CC2D1A: variants seen among roughly 807,000 people sequenced by gnomAD.
CC2D1A encodes the protein coiled-coil and C2 domain containing 1A, also known as coiled-coil and C2 domain-containing protein 1A.
In CC2D1A, 68 loss-of-function variants were observed where a neutral mutation model predicts 123.8. The ratio of observed to expected loss-of-function variants is 0.55; its 90% CI spans 0.45 to 0.67. CC2D1A has a LOEUF of 0.67. Among genes scored for constraint, CC2D1A ranks in the 30% least tolerant of loss-of-function variants. The pLI is 0.00. For missense variants in CC2D1A, 1,185 were observed against 1,290.3 expected (o/e 0.92, Z 1.25); for synonymous variants, 477 against 528.0 (o/e 0.90, Z 1.32).
chr19:13,918,022 A>T, intron 6 of CC2D1A, 48 bp from the exon 7 acceptor site: 1 of 1,598,166 alleles, frequency 6.3e-7, no homozygotes. Flanking sequence ...TACACGGTGA[A>T]CTTGGCCCAG....
At position 13,927,286 on chromosome 19, in the gene CC2D1A, C is replaced by T. The variant is rs201224050; in HGVS notation, c.2316+21C>T. 1.1e-3 allele frequency: 1,742 copies of T among 1,585,062 alleles called. 1 individual carries two copies. The highest frequency in any genetic ancestry group is 1.4e-3 in the Non-Finnish European group (1,579 of 1,153,562). On this transcript the variant is annotated intron_variant, in intron 22 of 28. Transcript: ENST00000318003. ...TTGAGGTGAGAGGTGGACATTCATC[C>T]GCGTGCTCCGGTATGGCCATGCTAC...
Position 13,906,386 on chromosome 19 carries a change from G to A in CC2D1A, c.-56G>A, listed in dbSNP as rs1234037715. On this transcript the variant is annotated 5_prime_UTR_variant, in exon 1 of 29. Transcript: ENST00000318003. This position sits in a 1 kb window ranked among gnomAD's most constrained non-coding sequence, Gnocchi z 4.1. Reference sequence around the variant, plus strand: ...GTGCGCGGCGACAGAGCCCGGGGAAGGAGGCAGGGCAAGGCCGGGCTTGGG... The same window carrying A: ...GTGCGCGGCGACAGAGCCCGGGGAAAGAGGCAGGGCAAGGCCGGGCTTGGG... 8 of 1,399,878 alleles carry A rather than the reference G, an allele frequency of 5.7e-6. No homozygotes were observed. In the Admixed American group the frequency reaches 1.9e-4, roughly 34 times the overall value. The allele number at this position is 1,399,878 out of a possible 1,614,324, so 86.7% of individuals were successfully genotyped here.
At chr19:13,921,015 A>G (rs2145340283) in intron 14 of CC2D1A, 93 bp downstream of exon 14, 1 of 1,223,034 alleles carries the variant, frequency 8.2e-7, no homozygotes, top group Non-Finnish European at 1.1e-6. Flanking sequence ...GTATTAGTCA[A>G]GGTCCAGCTG....
At chr19:13,929,289 G>A in intron 24 of CC2D1A, 90 bp from the exon 25 acceptor site, 11 of 1,350,062 alleles carry the variant, frequency 8.1e-6, no homozygotes, top group Non-Finnish European at 1.2e-5. Flanking sequence ...ACAGGCGTGA[G>A]CCACTGTGCC....
At chr19:13,918,028 C>T in intron 6 of CC2D1A, 42 bp from the exon 7 acceptor site, 1 of 1,604,532 alleles carries the variant, frequency 6.2e-7, no homozygotes, top group Non-Finnish European at 8.5e-7. Flanking sequence ...GTGAACTTGG[C>T]CCAGGCCCTG....
intron 2 of CC2D1A, among the ~76,000 whole-genome samples, chr19:13,910,175 GATC>G (rs1410310167): frequency 2.0e-5 from 3 of 150,948 alleles, no homozygotes; most frequent in Non-Finnish European, 2.9e-5. Context: ...GAGGCAGGCA[GATC>G]ATGAGGTCAG....
rs1028435099 is a variant in CC2D1A at position 13,920,388 on chromosome 19, A to G, written c.1357-169A>G. On this transcript the variant is annotated intron_variant, in intron 12 of 28. Transcript: ENST00000318003. ...ATACTCTGTCTCAAAAAAGAAAAAA[A>G]AAAAAAAAAAGGTGTTTGGGGCCAG... 1.9e-5 allele frequency: 12 copies of G among 629,182 alleles called. No individual in the cohort carries two copies. The Admixed American group carries it at 2.2e-4, about 12-fold the overall frequency. The allele number at this position is 629,182 out of a possible 1,614,324, so 39.0% of individuals were successfully genotyped here.
At chr19:13,921,796 T>C (rs927374139) in intron 14 of CC2D1A, among the ~76,000 whole-genome samples, 2 of 152,166 alleles carry the variant, frequency 1.3e-5, no homozygotes, top group African/African-American at 4.8e-5. Context: ...TTCCAGCTAC[T>C]TGGGAGGCTG....
At chr19:13,927,375 C>A in intron 22 of CC2D1A, 110 bp downstream of exon 22, 1 of 890,842 alleles carries the variant, frequency 1.1e-6, no homozygotes, top group Non-Finnish European at 1.8e-6. Context: ...TTGACCCAGC[C>A]CCTCCCCTCA....
At chr19:13,927,119 G>A (rs1971671318) in intron 21 of CC2D1A, 42 bp downstream of exon 21, 4 of 1,610,010 alleles carry the variant, frequency 2.5e-6, no homozygotes, top group Non-Finnish European at 2.6e-6. Context: ...GGCTCCAGGG[G>A]AGGGGAGCTC....
At position 13,919,640 on chromosome 19, in the gene CC2D1A, T is replaced by C. The variant is rs1487876919; in HGVS notation, c.1223-178T>C. On this transcript the variant is annotated intron_variant, in intron 11 of 28. Coordinates refer to ENST00000318003, the MANE Select transcript of CC2D1A (RefSeq NM_017721.5). ...GCAGTCCCACTCTAGATCATGCCAC[T>C]GTACTCCAGCCTGGGCAACAGAGCG... 8 of 498,082 alleles carry C rather than the reference T, an allele frequency of 1.6e-5. No individual in the cohort carries two copies. The South Asian group carries it at 5.5e-4, about 34-fold the overall frequency. The allele number at this position is 498,082 out of a possible 1,614,324, so 30.9% of individuals were successfully genotyped here.
intron 6 of CC2D1A, among the ~76,000 whole-genome samples, chr19:13,916,118 G>A (rs577669797): frequency 2.0e-5 from 3 of 152,284 alleles, no homozygotes; most frequent in South Asian, 4.1e-4. Flanking sequence ...TTAGCTGGGC[G>A]TGGTGGTGCA....
intron 24 of CC2D1A, among the ~76,000 whole-genome samples, chr19:13,928,482 TGAACACCCCTACCTAGGGTA>T (rs1370338414): frequency 6.6e-6 from 1 of 151,962 alleles, no homozygotes; most frequent in Non-Finnish European, 1.5e-5. Flanking sequence ...TCCAGTGCCC[TGAACACCCCTACCTAGGGTA>T]GGGGTGTTCC....
At chr19:13,920,427 G>A in intron 12 of CC2D1A, 130 bp from the exon 13 acceptor site, 3 of 685,654 alleles carry the variant, frequency 4.4e-6, no homozygotes, top group Non-Finnish European at 7.8e-6. Context: ...CTTTGAGTGA[G>A]GCAGGGGAGT....
intron 12 of CC2D1A, 187 bp from the exon 13 acceptor site, chr19:13,920,370 G>A: frequency 3.4e-6 from 2 of 596,220 alleles, no homozygotes; most frequent in Non-Finnish European, 5.7e-6. Context: ...GTGATACTCT[G>A]TCTCAAAAAA....
chr19:13,910,158 G>A (rs1970947861), intron 2 of CC2D1A, among the ~76,000 whole-genome samples, 200 bp downstream of exon 2: 2 of 151,722 alleles, frequency 1.3e-5, no homozygotes, highest in Non-Finnish European at 2.9e-5. Context: ...CAGCACTTTG[G>A]GAGGCCGAGG....
At chr19:13,928,900 G>A (rs1971753231) in intron 24 of CC2D1A, among the ~76,000 whole-genome samples, 1 of 151,722 alleles carries the variant, frequency 6.6e-6, no homozygotes, top group Admixed American at 6.6e-5. Flanking sequence ...GTAGAGATGG[G>A]GTTTCTCCAT....
At chr19:13,913,344 C>T in intron 5 of CC2D1A, 42 bp downstream of exon 5, 2 of 1,606,374 alleles carry the variant, frequency 1.2e-6, no homozygotes, top group South Asian at 2.2e-5. Flanking sequence ...CCCCGCCAAC[C>T]CCGATGCCCT....
At position 13,929,451 on chromosome 19, in the gene CC2D1A, C is replaced by A; in HGVS notation, c.2583+9C>A. 1 of 1,613,122 alleles carries A rather than the reference C, an allele frequency of 6.2e-7. No homozygotes were observed. The highest frequency in any genetic ancestry group is 8.5e-7 in the Non-Finnish European group (1 of 1,179,922). Reference sequence around the variant, plus strand: ...AGCGTCTGGAGCGGAAGGTGGGTATCCATCCTGCCGGGCTACATGGGGCAG... The same window carrying A: ...AGCGTCTGGAGCGGAAGGTGGGTATACATCCTGCCGGGCTACATGGGGCAG... On this transcript the variant is annotated intron_variant, in intron 25 of 28. Transcript: ENST00000318003.
Sources: gnomAD v4.1 joint callset for allele counts (sites outside exome capture counted in the v4.1 genomes callset) on GRCh38, gnomAD v4.1.1 for gene constraint, Gnocchi (gnomAD v3.1) non-coding constraint, MANE v1.5 for transcripts, NCBI Gene and HGNC (gene_info 2026-07-23, HGNC 2026-07-21) for gene names.